The following BRSK1 variants were observed in gnomAD, a reference collection of about 807,000 sequenced individuals.
BRSK1 encodes BR serine/threonine kinase 1.
In BRSK1, 17 loss-of-function variants were observed where a neutral mutation model predicts 86.2. The observed-to-expected ratio is 0.20, with a 90% confidence interval of 0.14 to 0.30. The LOEUF (loss-of-function observed/expected upper bound fraction) is 0.30. Ranked by LOEUF, BRSK1 falls within the 10% of genes least tolerant of loss-of-function variation. The probability of loss-of-function intolerance (pLI) is 1.00; values close to 1 mark genes in which losing one functional copy is unlikely to be tolerated. For missense variants in BRSK1, 719 were observed against 1,071.9 expected (o/e 0.67, Z 4.60); for synonymous variants, 464 against 440.1 (o/e 1.05, Z -0.68).
In BRSK1 at chr19:55,303,045, T is replaced by C. The variant is rs1457363718; in HGVS notation, c.1028+178T>C. On this transcript the variant is annotated intron_variant, in intron 10 of 18. Transcript: ENST00000309383. This position sits in a 1 kb window ranked among gnomAD's most constrained non-coding sequence, Gnocchi z 5.1. ...ACGGCCCAGAAACACGCTGAGAAAG[T>C]ATTAATAGATGCTGCGACATAGTAC... is the stretch of plus-strand genomic sequence containing the variant. 36 of 740,384 alleles carry C rather than the reference T, an allele frequency of 4.9e-5. No homozygotes were observed. In the East Asian group the frequency reaches 5.7e-4, roughly 12 times the overall value. 45.9% of individuals were successfully genotyped at this position (740,384 alleles called of 1,614,324 possible). A position where few individuals can be genotyped will look rare whatever the true frequency, so the allele number is the denominator to read the frequency against.
intron 1 of BRSK1, among the ~76,000 whole-genome samples, chr19:55,284,946 C>G (rs2088286669): frequency 7.3e-6 from 1 of 136,180 alleles, no homozygotes; most frequent in African/African-American, 2.8e-5. Flanking sequence ...ACTCCGGAGT[C>G]TGAGGGAGGA....
chr19:55,308,532 A>AG (rs1339348275), intron 17 of BRSK1, 107 bp from the exon 18 acceptor site: 53 of 755,314 alleles, frequency 7.0e-5, no homozygotes, highest in East Asian at 3.2e-4. Context: ...ACGGAGATGC[A>AG]GGGGGGGTGT....
chr19:55,293,366 G>A (rs990519877), intron 4 of BRSK1, among the ~76,000 whole-genome samples: 1 of 152,118 alleles, frequency 6.6e-6, no homozygotes, highest in African/African-American at 2.4e-5. Flanking sequence ...GCTGGGTGTG[G>A]TGGCACATGC....
intron 7 of BRSK1, among the ~76,000 whole-genome samples, chr19:55,301,296 C>A (rs561884005): frequency 6.5e-4 from 99 of 152,338 alleles, no homozygotes; most frequent in African/African-American, 2.3e-3. Context: ...ACAGCCTCCA[C>A]GCTGCAATTC....
chr19:55,287,823 G>A lies in BRSK1; in HGVS notation c.317+524G>A, dbSNP rs1055230614. Among the ~76,000 whole-genome samples, 2 of 152,230 alleles carry A rather than the reference G, an allele frequency of 1.3e-5. No homozygotes were observed. The highest frequency in any genetic ancestry group is 4.8e-5 in the African/African-American group (2 of 41,460). On this transcript the variant is annotated intron_variant, in intron 3 of 18. Coordinates refer to ENST00000309383, the MANE Select transcript of BRSK1 (RefSeq NM_032430.2). This position sits in a 1 kb window ranked among gnomAD's most constrained non-coding sequence, Gnocchi z 5.3. ...GTCAATCACCCGCCAGGAAGGATGG[G>A]GGTGGGGGTCCAGCTGTCCAGACTC... is the stretch of plus-strand genomic sequence containing the variant.
At chr19:55,285,493 C>T (rs1287489410) in intron 1 of BRSK1, among the ~76,000 whole-genome samples, 2 of 152,136 alleles carry the variant, frequency 1.3e-5, no homozygotes, top group Non-Finnish European at 2.9e-5. Context: ...AAACCTCTTC[C>T]CTCCCCACTG....
At position 55,302,659 on chromosome 19, in the gene BRSK1, G is replaced by T; in HGVS notation, c.858-38G>T. ...CTAGAATGAAGAATGCTGAATCTCA[G>T]AAGCCCGGTTCCCAATAATGTTTCT... On this transcript the variant is annotated intron_variant, in intron 9 of 18. Transcript: ENST00000309383. The surrounding 1 kb of genome is among the most constrained non-coding windows in gnomAD (Gnocchi z 6.3). 6.3e-7 allele frequency: 1 copy of T among 1,580,470 alleles called. No individual in the cohort carries two copies. The highest frequency in any genetic ancestry group is 1.8e-5 in the Admixed American group (1 of 55,914).
At chr19:55,293,912 A>C in intron 4 of BRSK1, 105 bp from the exon 5 acceptor site, 1 of 1,005,234 alleles carries the variant, frequency 9.9e-7, no homozygotes, top group Non-Finnish European at 1.4e-6. Context: ...TCATCCCCTA[A>C]AAATCCAAAA....
chr19:55,302,258 AG>A lies in BRSK1; in HGVS notation c.857+93del, dbSNP rs1272724934. On this transcript the variant is annotated intron_variant, in intron 9 of 18. Coordinates refer to ENST00000309383, the MANE Select transcript of BRSK1 (RefSeq NM_032430.2). This position sits in a 1 kb window ranked among gnomAD's most constrained non-coding sequence, Gnocchi z 6.3. ...AAGCGGCTGGGAGGGGTGGGATGCC[AG>A]GGTTCCTGAGAGGCAACGGGCTAGG... 1 of 1,488,418 alleles carries A rather than the reference AG, an allele frequency of 6.7e-7. No homozygotes were observed. Among genetic ancestry groups the A allele is most frequent in the Non-Finnish European group, 9.4e-7 (1 of 1,066,502 alleles). 92.2% of individuals were successfully genotyped at this position (1,488,418 alleles called of 1,614,324 possible).
At chr19:55,298,209 CTTTTTTTTTTTTTT>C (rs71181751) in intron 7 of BRSK1, among the ~76,000 whole-genome samples, 8 of 69,638 alleles carry the variant, frequency 1.1e-4, no homozygotes, top group Non-Finnish European at 2.1e-4. Flanking sequence ...TTTGTTTCTT[CTTTTTTTTTTTTTT>C]TTTTTTTTTT....
chr19:55,292,079 C>T (rs2088415384), intron 4 of BRSK1, among the ~76,000 whole-genome samples: 1 of 152,066 alleles, frequency 6.6e-6, no homozygotes, highest in Non-Finnish European at 1.5e-5. Flanking sequence ...TTTTCCACAC[C>T]TTCCTGTTGA....
intron 7 of BRSK1, among the ~76,000 whole-genome samples, chr19:55,296,633 T>G (rs1454901468): frequency 6.6e-6 from 1 of 151,998 alleles, no homozygotes; most frequent in Non-Finnish European, 1.5e-5. Flanking sequence ...GATCACGAGG[T>G]CAGGAAATCG....
intron 1 of BRSK1, among the ~76,000 whole-genome samples, chr19:55,286,117 G>A (rs1159614276): frequency 7.2e-6 from 1 of 139,728 alleles, no homozygotes; most frequent in Non-Finnish European, 1.6e-5. Flanking sequence ...GAGGGGCTGG[G>A]GGCCTGGAGT....
intron 18 of BRSK1, among the ~76,000 whole-genome samples, chr19:55,309,677 A>G (rs1568990833): frequency 6.6e-6 from 1 of 152,196 alleles, no homozygotes; most frequent in East Asian, 1.9e-4. Context: ...TCCTAACATA[A>G]CCTCCTAATA....
chr19:55,312,143 A>G lies in BRSK1; in HGVS notation c.*75A>G. The stretch of plus-strand genomic sequence containing the variant: ...CCCCCCAACTGTGAATCTGTAAATA[A>G]GGCCCAAGGAACATGTCGGGAGGGG... On this transcript the variant is annotated 3_prime_UTR_variant, in exon 19 of 19. Coordinates refer to ENST00000309383, the MANE Select transcript of BRSK1 (RefSeq NM_032430.2). 3.1e-6 allele frequency: 2 copies of G among 651,914 alleles called. No homozygotes were observed. Among genetic ancestry groups the G allele is most frequent in the South Asian group, 4.4e-5 (2 of 45,110 alleles). The allele number at this position is 651,914 out of a possible 1,614,324, so 40.4% of individuals were successfully genotyped here. A position where few individuals can be genotyped will look rare whatever the true frequency, so the allele number is the denominator to read the frequency against.
chr19:55,311,999 C>T lies in BRSK1; in HGVS notation c.2268C>T (p.Ser756=), dbSNP rs561021302. The change falls in exon 19 of 19, where the codon AGC becomes AGT. Residue 756 remains serine (S), a synonymous_variant. Transcript: ENST00000309383. ...PPPGRPDPEL[S]SSPRRGPPKD... is the part of the protein sequence containing the mutation. ...CCGGCCGCCCAGACCCAGAGCTGAG[C>T]AGCTCTCCCCGCCGAGGCCCCCCCA... 21 of 1,541,524 alleles carry T rather than the reference C, an allele frequency of 1.4e-5. No individual in the cohort carries two copies. The East Asian group carries it at 2.9e-4, about 21-fold the overall frequency.
In BRSK1 at chr19:55,299,508, C is replaced by A. The variant is rs1247300648; in HGVS notation, c.679-2004C>A. On this transcript the variant is annotated intron_variant, in intron 7 of 18. Coordinates refer to ENST00000309383, the MANE Select transcript of BRSK1 (RefSeq NM_032430.2). ...TCAAGTAATTCTCCTGCCTCAGCCA[C>A]CCGAGTAGCTGGGATTACAGGCGCC... is the stretch of plus-strand genomic sequence containing the variant. Among the ~76,000 whole-genome samples, 5 of 151,992 alleles carry A rather than the reference C, an allele frequency of 3.3e-5. No individual in the cohort carries two copies. The East Asian group carries it at 9.7e-4, about 30-fold the overall frequency.
rs2088461643 is a variant in BRSK1, at chr19:55,294,821, A to C, written c.678+424A>C. 6.6e-6 allele frequency among the ~76,000 whole-genome samples: 1 copy of C among 151,514 alleles called. No individual in the cohort carries two copies. The highest frequency in any genetic ancestry group is 1.5e-5 in the Non-Finnish European group (1 of 67,884). ...CCGGCCTATTTATTTATGTATTTTG[A>C]GACAGAGTCTTGCTCTGTTGCCCAG... On this transcript the variant is annotated intron_variant, in intron 7 of 18. Coordinates refer to ENST00000309383, the MANE Select transcript of BRSK1 (RefSeq NM_032430.2). This position sits in a 1 kb window ranked among gnomAD's most constrained non-coding sequence, Gnocchi z 4.9.
Position 55,303,328 on chromosome 19 carries a change from T to A in BRSK1, c.1046T>A (p.Met349Lys), listed in dbSNP as rs1340067040. Residue 349 changes from methionine to lysine, a missense_variant, in exon 11 of 19, where the codon ATG becomes AAG. By Grantham distance (95) the Met-to-Lys change is moderately conservative. Around this residue, in one of 6 missense-constraint regions of BRSK1, gnomAD observed 168 missense variants for 246.3 expected, o/e 0.68. Transcript: ENST00000309383. The surrounding 1 kb of genome is among the most constrained non-coding windows in gnomAD (Gnocchi z 5.1). ...LRSEEENQEK[M>K]IYYLLLDRKE... Reference sequence around the variant, plus strand: ...TGCCTTAGGGAGAACCAAGAAAAGATGATATATTATCTGCTTTTGGATCGG... The same window carrying A: ...TGCCTTAGGGAGAACCAAGAAAAGAAGATATATTATCTGCTTTTGGATCGG... 1 of 1,613,864 alleles carries A rather than the reference T, an allele frequency of 6.2e-7. No homozygotes were observed. The highest frequency in any genetic ancestry group is 1.7e-5 in the Admixed American group (1 of 60,010).
Sources: gnomAD v4.1 joint callset for allele counts (sites outside exome capture counted in the v4.1 genomes callset) on GRCh38, gnomAD v4.1.1 for gene constraint, gnomAD v4.1.1 regional missense constraint, Gnocchi (gnomAD v3.1) non-coding constraint, MANE v1.5 for transcripts, NCBI Gene and HGNC (gene_info 2026-07-23, HGNC 2026-07-21) for gene names.